Variants in CELF2 observed in about 807,000 individuals in gnomAD.
CELF2 encodes the protein CUG triplet repeat RNA-binding protein 2.
A neutral mutation model predicts 62.6 loss-of-function variants in CELF2; 8 were observed. That is an observed-to-expected ratio of 0.13 (90% CI 0.07 to 0.23). The LOEUF (loss-of-function observed/expected upper bound fraction) is 0.23. CELF2 is among the 10% of genes least tolerant of loss of function. The probability of loss-of-function intolerance (pLI) is 1.00; values close to 1 mark genes in which losing one functional copy is unlikely to be tolerated. For missense variants in CELF2, 333 were observed against 671.0 expected (o/e 0.50, Z 5.56); for synonymous variants, 258 against 250.0 (o/e 1.03, Z -0.30).
the CELF2 span, among the ~76,000 whole-genome samples, chr10:10,732,792 G>A: frequency 6.6e-6 from 1 of 152,146 alleles, no homozygotes; most frequent in Admixed American, 6.5e-5. Context: ...CCAAAGTGCT[G>A]GGATTACAGG....
the CELF2 span, among the ~76,000 whole-genome samples, chr10:10,528,160 TG>T: frequency 0.49 from 73,554 of 149,762 alleles, 18,598 homozygotes; most frequent in South Asian, 0.66. Context: ...ATTCCTGTTT[TG>T]TGTGTGTGTG....
At chr10:11,259,192 C>T (rs113337560) in intron 5 of CELF2, among the ~76,000 whole-genome samples, 1 of 152,244 alleles carries the variant, frequency 6.6e-6, no homozygotes, top group African/African-American at 2.4e-5. Context: ...CACTCGTCTT[C>T]ACCCTTCTCA....
chr10:11,326,525 C>G (rs1165015209), intron 12 of CELF2, among the ~76,000 whole-genome samples: 1 of 152,220 alleles, frequency 6.6e-6, no homozygotes, highest in Non-Finnish European at 1.5e-5. Flanking sequence ...CAGGGGCGTG[C>G]AGCTGTTATC....
At chr10:10,903,825 G>C (rs1351635884) in intron 1 of CELF2, among the ~76,000 whole-genome samples, 1 of 152,192 alleles carries the variant, frequency 6.6e-6, no homozygotes, top group African/African-American at 2.4e-5. Flanking sequence ...CTCTTCTATA[G>C]TGCCCCTACA....
At position 10,958,502 on chromosome 10, in the gene CELF2, C is replaced by T. The variant is rs924456283; in HGVS notation, c.89+38503C>T. On this transcript the variant is annotated intron_variant, in intron 2 of 13. Coordinates refer to the CELF2 transcript ENST00000636488. ...GACAGAGGGCCTCTGAGTTGGAAAG[C>T]TGCTGCTCTGCCCTCATTTGGAGGC... 3.9e-5 allele frequency among the ~76,000 whole-genome samples: 6 copies of T among 152,198 alleles called. No individual in the cohort carries two copies. The South Asian group carries it at 1.2e-3, about 32-fold the overall frequency.
At chr10:10,658,861 A>C in the CELF2 span, among the ~76,000 whole-genome samples, 1 of 152,288 alleles carries the variant, frequency 6.6e-6, no homozygotes, top group East Asian at 1.9e-4. Flanking sequence ...TCTTGCCTGG[A>C]TAACACAGAG....
At chr10:10,792,731 T>C in the CELF2 span, among the ~76,000 whole-genome samples, 1 of 152,164 alleles carries the variant, frequency 6.6e-6, no homozygotes, top group African/African-American at 2.4e-5. Context: ...GACTGGAAAT[T>C]AAAAGAAGAA....
chr10:11,284,013 T>G (rs1306223386), intron 8 of CELF2, among the ~76,000 whole-genome samples: 35 of 142,502 alleles, frequency 2.5e-4, no homozygotes, highest in Middle Eastern at 5.0e-3. Flanking sequence ...GATGAGTGTG[T>G]GGTGGGTGGA....
chr10:11,270,047 G>A lies in CELF2; in HGVS notation c.619-619G>A, dbSNP rs897411025. The stretch of plus-strand genomic sequence containing the variant: ...TGAGGGAAGAGGCCTCTCTGAAAAC[G>A]TGAACGGTTACTTTGGAGAATGCCT... On this transcript the variant is annotated intron_variant, in intron 6 of 12. Transcript: ENST00000633077. This position sits in a 1 kb window ranked among gnomAD's most constrained non-coding sequence, Gnocchi z 5.8. Among the ~76,000 whole-genome samples, 9 of 152,170 alleles carry A rather than the reference G, an allele frequency of 5.9e-5. No individual in the cohort carries two copies. Among genetic ancestry groups the A allele is most frequent in the Admixed American group, 1.3e-4 (2 of 15,282 alleles).
intron 1 of CELF2, among the ~76,000 whole-genome samples, chr10:10,908,187 G>A (rs1001342257): frequency 2.2e-5 from 3 of 134,774 alleles, no homozygotes; most frequent in African/African-American, 8.4e-5. Context: ...GCACTACCCT[G>A]CTCCTTGTCA....
At chr10:11,265,766 C>T (rs973820444) in intron 5 of CELF2, among the ~76,000 whole-genome samples, 1 of 152,190 alleles carries the variant, frequency 6.6e-6, no homozygotes, top group Non-Finnish European at 1.5e-5. Flanking sequence ...AAAACAGGCA[C>T]GGAAAGTTTC....
chr10:10,740,294 T>C, the CELF2 span, among the ~76,000 whole-genome samples: 1 of 152,116 alleles, frequency 6.6e-6, no homozygotes, highest in African/African-American at 2.4e-5. Flanking sequence ...CAAATGATTT[T>C]TGCATAAGGT....
the CELF2 span, among the ~76,000 whole-genome samples, chr10:10,494,435 C>G: frequency 6.6e-6 from 1 of 152,184 alleles, no homozygotes; most frequent in Non-Finnish European, 1.5e-5. Flanking sequence ...TGAGAAATAG[C>G]AGAGCGCATT....
At chr10:11,108,592 C>T (rs1049691145) in intron 1 of CELF2, among the ~76,000 whole-genome samples, 2 of 152,160 alleles carry the variant, frequency 1.3e-5, no homozygotes, top group Non-Finnish European at 2.9e-5. Flanking sequence ...TGGTTCTGTT[C>T]TGAGGCTGCA....
At chr10:11,086,540 CTCTTCCACAGTGAA>C (rs975605849) in intron 1 of CELF2, among the ~76,000 whole-genome samples, 2 of 141,512 alleles carry the variant, frequency 1.4e-5, no homozygotes, top group African/African-American at 5.3e-5. Flanking sequence ...AGCGTTTTTC[CTCTTCCACAGTGAA>C]TCCATGTCTC....
At chr10:10,549,908 G>A in the CELF2 span, among the ~76,000 whole-genome samples, 1 of 152,268 alleles carries the variant, frequency 6.6e-6, no homozygotes, top group East Asian at 1.9e-4. Context: ...GTTACTGTGT[G>A]GGGAAAGGAA....
intron 1 of CELF2, among the ~76,000 whole-genome samples, chr10:11,070,445 C>G (rs1048894384): frequency 1.3e-5 from 2 of 152,144 alleles, no homozygotes; most frequent in Non-Finnish European, 2.9e-5. Context: ...CGGGCATTGT[C>G]ACACTTGGAT....
intron 5 of CELF2, among the ~76,000 whole-genome samples, chr10:11,265,531 GT>G (rs1354760304): frequency 6.6e-6 from 1 of 152,174 alleles, no homozygotes; most frequent in Non-Finnish European, 1.5e-5. Flanking sequence ...GTGTGCTGTG[GT>G]TTTATTATAA....
the CELF2 span, among the ~76,000 whole-genome samples, chr10:10,521,207 A>T: frequency 2.0e-5 from 3 of 152,206 alleles, no homozygotes; most frequent in African/African-American, 7.2e-5. Context: ...TTTGTCCCAG[A>T]CTAAAACCAG....
Sources: gnomAD v4.1 joint callset for allele counts (sites outside exome capture counted in the v4.1 genomes callset) on GRCh38, gnomAD v4.1.1 for gene constraint, Gnocchi (gnomAD v3.1) non-coding constraint, MANE v1.5 for transcripts, NCBI Gene and HGNC (gene_info 2026-07-23, HGNC 2026-07-21) for gene names.